Variants in TLN2 observed in about 807,000 individuals in gnomAD.
TLN2 encodes talin-2.
A neutral mutation model predicts 294.7 loss-of-function variants in TLN2; 118 were observed. The ratio of observed to expected loss-of-function variants is 0.40; its 90% confidence interval spans 0.34 to 0.47. The LOEUF (loss-of-function observed/expected upper bound fraction) is 0.47. Ranked by LOEUF, TLN2 falls within the 20% of genes least tolerant of loss-of-function variation. TLN2 has a pLI of 0.84. For synonymous variants in TLN2, 1,431 were observed against 1,304.5 expected (o/e 1.10, Z -2.09); for missense variants, 3,083 against 3,282.2 (o/e 0.94, Z 1.48).
At chr15:62,534,096 A>G (rs746590551) in intron 1 of TLN2, among the ~76,000 whole-genome samples, 6 of 152,080 alleles carry the variant, frequency 3.9e-5, no homozygotes, top group African/African-American at 1.2e-4. Flanking sequence ...TGCATTTCCA[A>G]CAGACTCCCA....
At chr15:62,499,295 C>T (rs67476890) in intron 1 of TLN2, among the ~76,000 whole-genome samples, 23,545 of 151,892 alleles carry the variant, frequency 0.16, 2,350 homozygotes, top group African/African-American at 0.27. Context: ...CCAAAAAATA[C>T]GAAAATTAGC....
In TLN2 at chr15:62,651,831, G is replaced by A. The variant is rs151098286; in HGVS notation, c.235-174G>A. Among the ~76,000 whole-genome samples, 55 of 152,228 alleles carry A rather than the reference G, an allele frequency of 3.6e-4. No homozygotes were observed. In the East Asian group the frequency reaches 4.8e-3, roughly 13 times the overall value. The stretch of plus-strand genomic sequence containing the variant: ...CAGGTCTGTACTATCTCTAAAAGAC[G>A]TAGTGGCAACAATCCCCTGAAAACT... On this transcript the variant is annotated intron_variant, in intron 5 of 58. Transcript: ENST00000636159.
intron 23 of TLN2, 141 bp downstream of exon 23, chr15:62,716,600 T>C: frequency 8.6e-7 from 1 of 1,166,232 alleles, no homozygotes; most frequent in South Asian, 2.3e-5. Context: ...GTTTGAGTAC[T>C]ATAAAAGCAT....
intron 1 of TLN2, among the ~76,000 whole-genome samples, chr15:62,560,334 G>A (rs1031126083): frequency 1.3e-5 from 2 of 152,046 alleles, no homozygotes; most frequent in African/African-American, 4.8e-5. Flanking sequence ...TCCACCTCCC[G>A]GGTTCAAGTG....
intron 1 of TLN2, among the ~76,000 whole-genome samples, chr15:62,539,000 G>A (rs1029798703): frequency 2.6e-5 from 4 of 152,122 alleles, no homozygotes; most frequent in African/African-American, 9.7e-5. Flanking sequence ...TCTGGTAGGG[G>A]ATTTAGGAGA....
chr15:62,481,864 T>C (rs939481987), intron 1 of TLN2, among the ~76,000 whole-genome samples: 4 of 148,460 alleles, frequency 2.7e-5, no homozygotes, highest in Admixed American at 6.8e-5. Context: ...TGGCGTGATC[T>C]CAGCTCATTG....
chr15:62,511,391 T>A (rs999349706), intron 1 of TLN2, among the ~76,000 whole-genome samples: 1 of 152,266 alleles, frequency 6.6e-6, no homozygotes, highest in Non-Finnish European at 1.5e-5. Flanking sequence ...TGTAGTCTTG[T>A]GAAAATTTCT....
In TLN2 at chr15:62,653,269, A is replaced by G; in HGVS notation, c.472A>G (p.Arg158Gly). 1 of 1,613,898 alleles carries G rather than the reference A, an allele frequency of 6.2e-7. No homozygotes were observed. The highest frequency in any genetic ancestry group is 8.5e-7 in the Non-Finnish European group (1 of 1,179,980). Residue 158 changes from arginine (R) to glycine (G), a missense_variant, in exon 7 of 59, where the codon AGG (arginine) becomes GGG (glycine). By Grantham distance (125) the Arg-to-Gly change is moderately radical (BLOSUM62 -2). Transcript: ENST00000636159. ...AGACAGGACACTGTTACGAGATGAG[A>G]GGAAAATGGAGAAGTTGAAGGCCAA... Reference protein sequence around the residue: ...KKDRTLLRDERKMEKLKAKLH... With the variant: ...KKDRTLLRDEGKMEKLKAKLH...
In TLN2 at chr15:62,792,801, C is replaced by T; in HGVS notation, c.5883+14C>T. The T allele has an allele frequency of 6.2e-7, 1 of 1,613,614 alleles. No homozygotes were observed. Among genetic ancestry groups the T allele is most frequent in the Non-Finnish European group, 8.5e-7 (1 of 1,179,918 alleles). On this transcript the variant is annotated intron_variant, in intron 46 of 58. Coordinates refer to ENST00000636159, the MANE Select transcript of TLN2 (RefSeq NM_015059.3). ...GTCACGGAAAAGGTAAGGAGCAGCCCTCAGTTTAGAGTCACAAGAACCTGC... is the reference window on the plus strand; with the variant it reads ...GTCACGGAAAAGGTAAGGAGCAGCCTTCAGTTTAGAGTCACAAGAACCTGC...
intron 53 of TLN2, 81 bp downstream of exon 53, chr15:62,819,702 C>T: frequency 7.7e-7 from 1 of 1,297,144 alleles, no homozygotes; most frequent in African/African-American, 1.5e-5. Flanking sequence ...AGGAAAAGCA[C>T]AGACGGCAAT....
intron 3 of TLN2, among the ~76,000 whole-genome samples, chr15:62,624,193 A>G (rs1028904362): frequency 7.9e-5 from 12 of 152,232 alleles, no homozygotes; most frequent in Non-Finnish European, 1.3e-4. Context: ...AGGAAGATCC[A>G]TGCTGTTTGG....
At chr15:62,722,678 C>T (rs1413717166) in intron 26 of TLN2, among the ~76,000 whole-genome samples, 191 bp downstream of exon 26, 1 of 152,168 alleles carries the variant, frequency 6.6e-6, no homozygotes, top group Non-Finnish European at 1.5e-5. Flanking sequence ...ACTTAGTATT[C>T]ACTTTTTGAT....
At chr15:62,503,359 A>G (rs1371597938) in intron 1 of TLN2, among the ~76,000 whole-genome samples, 1 of 152,150 alleles carries the variant, frequency 6.6e-6, no homozygotes, top group Non-Finnish European at 1.5e-5. Context: ...ATTTCTTCAC[A>G]TCTTTGTGTG....
chr15:62,740,897 G>A (rs981188030), intron 32 of TLN2, 128 bp downstream of exon 32: 13 of 1,178,840 alleles, frequency 1.1e-5, no homozygotes, highest in Non-Finnish European at 1.5e-5. Context: ...CATGGGAGGT[G>A]GAGCTGAGAG....
intron 11 of TLN2, among the ~76,000 whole-genome samples, chr15:62,681,414 C>A (rs1197656418): frequency 1.3e-5 from 2 of 152,238 alleles, no homozygotes; most frequent in African/African-American, 4.8e-5. Context: ...TCAAACCCCA[C>A]AGCCTTGAGA....
At chr15:62,730,013 A>G (rs948182634) in intron 28 of TLN2, among the ~76,000 whole-genome samples, 1 of 138,450 alleles carries the variant, frequency 7.2e-6, no homozygotes, top group East Asian at 2.1e-4. Flanking sequence ...CTTTCTTTCA[A>G]TTATTTTATT....
At chr15:62,433,694 T>C (rs2035139372) in intron 1 of TLN2, among the ~76,000 whole-genome samples, 1 of 152,102 alleles carries the variant, frequency 6.6e-6, no homozygotes, top group Admixed American at 6.6e-5. Flanking sequence ...ACTAATCTTA[T>C]CATACCTGCC....
chr15:62,708,690 T>G lies in TLN2; in HGVS notation c.2361T>G (p.His787Gln). Reference sequence around the variant, plus strand: ...AGGCCCTCCATGATCTCCTGCAGCATGTGCGGCAGTTTGCCAGCCGAGGCG... The same window carrying G: ...AGGCCCTCCATGATCTCCTGCAGCAGGTGCGGCAGTTTGCCAGCCGAGGCG... ...VSQALHDLLQHVRQFASRGEP... is the reference protein window; with the variant it reads ...VSQALHDLLQQVRQFASRGEP... The change falls in exon 21 of 59, where the codon CAT (histidine) becomes CAG (glutamine). Residue 787 changes from histidine to glutamine, a missense_variant. Physicochemically the swap from His to Gln is conservative, Grantham distance 24 (BLOSUM62 0). Transcript: ENST00000636159. 6.2e-7 allele frequency: 1 copy of G among 1,614,068 alleles called. No homozygotes were observed. The highest frequency in any genetic ancestry group is 1.1e-5 in the South Asian group (1 of 91,080).
chr15:62,658,009 T>C, intron 9 of TLN2, 111 bp downstream of exon 9: 2 of 1,089,464 alleles, frequency 1.8e-6, no homozygotes, highest in South Asian at 1.8e-5. Context: ...CAATCATTTG[T>C]GAGAATGCTA....
Sources: gnomAD v4.1 joint callset for allele counts (sites outside exome capture counted in the v4.1 genomes callset) on GRCh38, gnomAD v4.1.1 for gene constraint, MANE v1.5 for transcripts, NCBI Gene and HGNC (gene_info 2026-07-23, HGNC 2026-07-21) for gene names.